The following LYST variants were observed in gnomAD, a reference collection of about 807,000 sequenced individuals.
LYST encodes lysosomal trafficking regulator, also known as lysosomal-trafficking regulator.
LYST carries 192 observed loss-of-function variants against 413.6 expected under a neutral mutation model. That is an observed-to-expected ratio of 0.46 (90% CI 0.41 to 0.52). LYST has a LOEUF of 0.52. LYST is among the 20% of genes least tolerant of loss of function. The pLI is 0.00. For synonymous variants in LYST, 1,525 were observed against 1,567.3 expected, an observed-to-expected ratio of 0.97 and a Z score of 0.64; for missense variants, 3,815 against 4,499.9, an observed-to-expected ratio of 0.85 and a Z score of 4.35.
chr1:235,720,607 G>C, intron 40 of LYST, 54 bp downstream of exon 40: 2 of 1,576,346 alleles, frequency 1.3e-6, no homozygotes, highest in Non-Finnish European at 1.7e-6. Flanking sequence ...CTTTAATAAA[G>C]AAATACAACA....
Position 235,780,896 on chromosome 1 carries a change from G to A in LYST, c.5183C>T (p.Thr1728Ile), listed in dbSNP as rs769390109. 1.9e-6 allele frequency: 3 copies of A among 1,553,332 alleles called. No individual in the cohort carries two copies. The highest frequency in any genetic ancestry group is 2.6e-6 in the Non-Finnish European group (3 of 1,139,290). The part of the protein sequence containing the change: ...RCEQIRELFM[T>I]KKDVDIGLLI... ...GAGACCAATATCCACATCTTTCTTG[G>A]TCATAAAAAGTTCTCTGATTTGTTC... Residue 1728 changes from threonine (T) to isoleucine (I), a missense_variant, in exon 16 of 53, where the codon ACC (threonine) becomes ATC (isoleucine). Transcript: ENST00000389793.
At position 235,805,681 on chromosome 1, in the gene LYST, T is replaced by C. The variant is rs112842013; in HGVS notation, c.3393+62A>G. On this transcript the variant is annotated intron_variant, in intron 6 of 52. Coordinates refer to ENST00000389793, the MANE Select transcript of LYST (RefSeq NM_000081.4). ...ACATATTACATTTTTTATATATATA[T>C]GTGTGTGTGTATATATATGTATATA... 9,418 of 869,152 alleles carry C rather than the reference T, an allele frequency of 0.011. 600 individuals carry two copies. In the African/African-American group the frequency reaches 0.14, roughly 13 times the overall value. The allele number at this position is 869,152 out of a possible 1,614,324, so 53.8% of individuals were successfully genotyped here.
At position 235,810,386 on chromosome 1, in the gene LYST, TCTG is replaced by T; in HGVS notation, c.429_431del (p.Ser143del). 1 of 1,612,758 alleles carries T rather than the reference TCTG, an allele frequency of 6.2e-7. No homozygotes were observed. The highest frequency in any genetic ancestry group is 2.2e-5 in the East Asian group (1 of 44,868). The stretch of plus-strand genomic sequence containing the variant: ...AGCGATGGGTAATTTTACGCTGTCG[TCTG>T]CTTTTTCGAAAAACATTTACTTTTG... On this transcript the variant is annotated inframe_deletion, in exon 5 of 53. Coordinates refer to ENST00000389793, the MANE Select transcript of LYST (RefSeq NM_000081.4).
rs78874267 is a variant in LYST, at chr1:235,874,326, G to A, written n.454+8861C>T. On this transcript the variant is annotated intron_variant and non_coding_transcript_variant, in intron 1 of 11. Coordinates refer to the LYST transcript ENST00000465349. ...GTATACTTGCAATGTTCAAGGCTTT[G>A]GAATGAAAGACATTCTGGGTCTGCT... 7.9e-3 allele frequency among the ~76,000 whole-genome samples: 1,199 copies of A among 152,274 alleles called. 21 individuals are homozygous for A. The highest frequency in any genetic ancestry group is 0.027 in the African/African-American group (1,115 of 41,546).
At chr1:235,688,935 A>C (rs1660419204) in intron 47 of LYST, among the ~76,000 whole-genome samples, 1 of 151,172 alleles carries the variant, frequency 6.6e-6, no homozygotes, top group Admixed American at 6.6e-5. Context: ...CAGTGAGCCG[A>C]GATCGCACCA....
At chr1:235,685,588 T>C (rs1571992399) in intron 48 of LYST, among the ~76,000 whole-genome samples, 4 of 152,254 alleles carry the variant, frequency 2.6e-5, no homozygotes, top group Admixed American at 2.6e-4. Flanking sequence ...GGCTCACACT[T>C]GTAATCCCAG....
intron 31 of LYST, among the ~76,000 whole-genome samples, chr1:235,739,499 A>G (rs932636476): frequency 1.3e-5 from 2 of 152,166 alleles, no homozygotes; most frequent in African/African-American, 4.8e-5. Context: ...TGAACTATAT[A>G]TATCAGTAGT....
chr1:235,866,048 A>G (rs1017988275), intron 1 of LYST, among the ~76,000 whole-genome samples: 2 of 152,204 alleles, frequency 1.3e-5, no homozygotes, highest in African/African-American at 4.8e-5. Context: ...GTTTAACCAG[A>G]TAAGAATTAG....
At chr1:235,800,232 G>A in intron 10 of LYST, 88 bp downstream of exon 10, 1 of 892,368 alleles carries the variant, frequency 1.1e-6, no homozygotes, top group South Asian at 1.3e-5. Context: ...TCACAGGCAT[G>A]AGCCACCACA....
Position 235,689,026 on chromosome 1 carries a change from T to TAATAAC in LYST, c.10702-1980_10702-1979insGTTATT, listed in dbSNP as rs1202677227. Among the ~76,000 whole-genome samples the TAATAAC allele has an allele frequency of 5.4e-3, 504 of 92,914 alleles. 2 individuals are homozygous for TAATAAC. The highest frequency in any genetic ancestry group is 0.021 in the Middle Eastern group (4 of 192). The allele number at this position is 92,914 out of a possible 152,430, so 61.0% of individuals were successfully genotyped here. Reference sequence around the variant, plus strand: ...ATAATAATAATAATAATAATAATAATAACAACAACAACAACAACAACAATA... The same window carrying TAATAAC: ...ATAATAATAATAATAATAATAATAATAATAACAACAACAACAACAACAACAACAATA... On this transcript the variant is annotated intron_variant, in intron 47 of 52. Transcript: ENST00000389793.
chr1:235,819,803 G>T (rs902608098), intron 3 of LYST, among the ~76,000 whole-genome samples: 1 of 152,056 alleles, frequency 6.6e-6, no homozygotes, highest in Non-Finnish European at 1.5e-5. Flanking sequence ...CTGCCACCAC[G>T]CCCAGCTAAT....
At chr1:235,695,976 T>C (rs565413343) in intron 46 of LYST, among the ~76,000 whole-genome samples, 1 of 152,274 alleles carries the variant, frequency 6.6e-6, no homozygotes, top group South Asian at 2.1e-4. Flanking sequence ...TTCACACATG[T>C]TGGTACTTTG....
chr1:235,721,536 C>A (rs16832837), intron 39 of LYST, among the ~76,000 whole-genome samples: 5,104 of 152,010 alleles, frequency 0.034, 273 homozygotes, highest in African/African-American at 0.12. Flanking sequence ...ACAAGACGAG[C>A]TTTGCTAAAA....
chr1:235,715,117 A>T, intron 42 of LYST, 84 bp downstream of exon 42: 1 of 1,201,190 alleles, frequency 8.3e-7, no homozygotes, highest in Non-Finnish European at 1.2e-6. Context: ...ATAGTTCTTA[A>T]AATGTCAGTC....
At chr1:235,831,453 A>G (rs564659638) in intron 2 of LYST, among the ~76,000 whole-genome samples, 1 of 152,340 alleles carries the variant, frequency 6.6e-6, no homozygotes, top group East Asian at 1.9e-4. Flanking sequence ...CTGAAAGGTC[A>G]CGCAGAGATG....
At chr1:235,777,845 G>A (rs1200617856) in intron 16 of LYST, among the ~76,000 whole-genome samples, 2 of 151,970 alleles carry the variant, frequency 1.3e-5, no homozygotes, top group East Asian at 3.8e-4. Flanking sequence ...CCCAGGCAAA[G>A]GATAGTTTCC....
chr1:235,809,047 C>T lies in LYST; in HGVS notation c.1771G>A (p.Val591Ile), dbSNP rs1278817423. The T allele has an allele frequency of 8.7e-6, 14 of 1,614,096 alleles. No homozygotes were observed. Among genetic ancestry groups the T allele is most frequent in the Non-Finnish European group, 1.1e-5 (13 of 1,179,974 alleles). ...AAAGCATGGAGCAAAGGAATGATTA[C>T]AGATTTGGGATCCATACAACAGCAT... is the stretch of plus-strand genomic sequence containing the variant. ...GICCCMDPKS[V>I]IIPLLHAFKL... Residue 591 changes from valine (V) to isoleucine (I), a missense_variant, in exon 5 of 53, where the codon GTA (valine) becomes ATA (isoleucine). Val to Ile is a conservative substitution (Grantham distance 29). Around this residue, in one of 4 missense-constraint regions of LYST, gnomAD observed 1,648 missense variants for 1,810.3 expected, o/e 0.91. Transcript: ENST00000389793. The surrounding 1 kb of genome is among the most constrained non-coding windows in gnomAD (Gnocchi z 4.0).
chr1:235,740,485 C>A (rs1415705380), intron 31 of LYST, among the ~76,000 whole-genome samples: 1 of 152,056 alleles, frequency 6.6e-6, no homozygotes, highest in Non-Finnish European at 1.5e-5. Context: ...CTTGGTTTTG[C>A]TTGTTCCTTC....
At chr1:235,815,333 T>C (rs986615364) in intron 3 of LYST, among the ~76,000 whole-genome samples, 8 of 152,166 alleles carry the variant, frequency 5.3e-5, no homozygotes, top group African/African-American at 1.9e-4. Context: ...AAATTTCAGA[T>C]ATAATGTTGT....
Sources: gnomAD v4.1 joint callset for allele counts (sites outside exome capture counted in the v4.1 genomes callset) on GRCh38, gnomAD v4.1.1 for gene constraint, gnomAD v4.1.1 regional missense constraint, Gnocchi (gnomAD v3.1) non-coding constraint, MANE v1.5 for transcripts, NCBI Gene and HGNC (gene_info 2026-07-23, HGNC 2026-07-21) for gene names.